The following SLC30A9 variants were observed in gnomAD, a reference collection of about 807,000 sequenced individuals.
The protein encoded by SLC30A9 is proton-coupled zinc antiporter SLC30A9, mitochondrial.
A neutral mutation model predicts 87.5 loss-of-function variants in SLC30A9; 58 were observed. That is an observed-to-expected ratio of 0.66 (90% CI 0.54 to 0.82). The LOEUF is 0.82. Ranked by LOEUF, SLC30A9 falls within the 40% of genes least tolerant of loss-of-function variation. The pLI is 0.00. For missense variants in SLC30A9, 557 were observed against 679.1 expected (o/e 0.82, Z 2.00); for synonymous variants, 234 against 233.0 (o/e 1.00, Z -0.04).
chr4:42,033,733 G>T (rs1479355771), intron 6 of SLC30A9, among the ~76,000 whole-genome samples: 1 of 152,074 alleles, frequency 6.6e-6, no homozygotes, highest in Non-Finnish European at 1.5e-5. Context: ...ATGCCACCAT[G>T]CCTGGCTAAT....
intron 2 of SLC30A9, among the ~76,000 whole-genome samples, chr4:42,006,374 C>T (rs959935819): frequency 5.3e-5 from 8 of 152,038 alleles, no homozygotes; most frequent in Non-Finnish European, 4.4e-5. Context: ...GAAATGATAC[C>T]TCCTTGGAGA....
intron 2 of SLC30A9, among the ~76,000 whole-genome samples, chr4:42,009,277 C>G (rs1715343964): frequency 6.6e-6 from 1 of 152,098 alleles, no homozygotes; most frequent in South Asian, 2.1e-4. Context: ...CCACATTAGA[C>G]CTTGTTAGCC....
At chr4:41,994,789 G>A (rs912394183) in intron 1 of SLC30A9, among the ~76,000 whole-genome samples, 4 of 144,746 alleles carry the variant, frequency 2.8e-5, no homozygotes, top group African/African-American at 1.0e-4. Context: ...TCAGGAGGCT[G>A]AGGCAGGAGA....
At chr4:42,047,103 G>T (rs192834325) in intron 8 of SLC30A9, among the ~76,000 whole-genome samples, 12 of 152,190 alleles carry the variant, frequency 7.9e-5, no homozygotes, top group Non-Finnish European at 1.2e-4. Flanking sequence ...AGACTTAAAC[G>T]TAAGACCTAA....
At position 41,990,769 on chromosome 4, in the gene SLC30A9, C is replaced by T. The variant is rs1431240514; in HGVS notation, c.109+9C>T. 2.4e-5 allele frequency: 38 copies of T among 1,596,100 alleles called. No homozygotes were observed. Among genetic ancestry groups the T allele is most frequent in the Non-Finnish European group, 3.2e-5 (37 of 1,168,322 alleles). ...TCCCAGCGACCGCCAGGGTGAGTGT[C>T]CCGCGCTGGCCGCTGGCTCCGTAGA... On this transcript the variant is annotated intron_variant, in intron 1 of 17. Coordinates refer to ENST00000264451, the MANE Select transcript of SLC30A9 (RefSeq NM_006345.4).
In SLC30A9 at chr4:42,075,685, C is replaced by G; in HGVS notation, c.1447C>G (p.Leu483Val). Residue 483 changes from leucine (L) to valine (V), a missense_variant, in exon 16 of 18, where the codon CTG (leucine) becomes GTG (valine). This residue lies in a region of SLC30A9 where 90 missense variants were observed against 149.4 expected (regional missense o/e 0.60). Transcript: ENST00000264451. ...AATTCATGATGTTAAAGCCACAGAT[C>G]TGGGATTAGGTAAAGTAAGATTTAA... ...RAIHDVKATD[L>V]GLGKVRFKAE... is the part of the protein sequence containing the mutation. 2 of 1,613,582 alleles carry G rather than the reference C, an allele frequency of 1.2e-6. No individual in the cohort carries two copies. The highest frequency in any genetic ancestry group is 1.7e-4 in the Middle Eastern group (1 of 6,058).
At chr4:41,996,587 A>T (rs989192603) in intron 1 of SLC30A9, among the ~76,000 whole-genome samples, 15 of 152,028 alleles carry the variant, frequency 9.9e-5, no homozygotes, top group East Asian at 3.9e-4. Context: ...AAAAAAAATT[A>T]AAAAATGTAG....
At chr4:42,050,899 T>C (rs12512912) in intron 9 of SLC30A9, among the ~76,000 whole-genome samples, 99,293 of 152,044 alleles carry the variant, frequency 0.65, 36,903 homozygotes, top group East Asian at 0.96. Flanking sequence ...GTGTTCAGGG[T>C]GTCTGAGGTG....
intron 8 of SLC30A9, among the ~76,000 whole-genome samples, chr4:42,041,613 G>A (rs368862825): frequency 1.6e-3 from 248 of 152,228 alleles, no homozygotes; most frequent in African/African-American, 5.3e-3. Flanking sequence ...GGTGATGTGC[G>A]CCTGTAGACC....
chr4:41,992,226 C>T (rs944709519), intron 1 of SLC30A9, among the ~76,000 whole-genome samples: 2 of 151,398 alleles, frequency 1.3e-5, no homozygotes, highest in Non-Finnish European at 2.9e-5. Flanking sequence ...TAATCCTAGC[C>T]TGTACTCAGG....
rs767957901 is a variant in SLC30A9 at position 41,990,659 on chromosome 4, C to G, written c.8C>G (p.Pro3Arg). 9.3e-6 allele frequency: 15 copies of G among 1,605,522 alleles called. No individual in the cohort carries two copies. The East Asian group carries it at 1.6e-4, about 17-fold the overall frequency. ML[P>R]GLAAAAAHRC... The stretch of plus-strand genomic sequence containing the variant: ...GGCCTCTGCCCCACCAGGATGTTAC[C>G]CGGCTTGGCCGCCGCCGCGGCCCAC... Residue 3 changes from proline (P) to arginine (R), a missense_variant, in exon 1 of 18, where the codon CCC becomes CGC. This residue lies in a region of SLC30A9 where 467 missense variants were observed against 529.8 expected (regional missense o/e 0.88). Coordinates refer to ENST00000264451, the MANE Select transcript of SLC30A9 (RefSeq NM_006345.4).
chr4:41,995,000 G>A (rs1176375245), intron 1 of SLC30A9, among the ~76,000 whole-genome samples: 1 of 152,108 alleles, frequency 6.6e-6, no homozygotes, highest in East Asian at 1.9e-4. Flanking sequence ...GCTCACACCT[G>A]TAATCCCAGC....
intron 17 of SLC30A9, among the ~76,000 whole-genome samples, chr4:42,082,864 A>G (rs1718792345): frequency 6.6e-6 from 1 of 151,872 alleles, no homozygotes; most frequent in African/African-American, 2.4e-5. Context: ...AAAAAAAAAA[A>G]TTCTAGAACT....
chr4:42,018,042 A>C (rs1560539607), intron 2 of SLC30A9, 69 bp from the exon 3 acceptor site: 1 of 842,294 alleles, frequency 1.2e-6, no homozygotes, highest in East Asian at 2.6e-5. Flanking sequence ...ACATTGGCTA[A>C]TATTAATTAA....
intron 9 of SLC30A9, among the ~76,000 whole-genome samples, chr4:42,058,112 A>C (rs1303212186): frequency 2.0e-5 from 3 of 151,980 alleles, no homozygotes; most frequent in Non-Finnish European, 2.9e-5. Context: ...AAAAAAAAAA[A>C]AAAAAAAAAC....
At chr4:42,064,877 A>G (rs6813467) in intron 11 of SLC30A9, among the ~76,000 whole-genome samples, 5,697 of 152,088 alleles carry the variant, frequency 0.037, 139 homozygotes, top group African/African-American at 0.042. Flanking sequence ...ATTAAAATAA[A>G]AAAAATGTGT....
Position 42,023,413 on chromosome 4 carries a change from A to G in SLC30A9, c.610+29A>G, listed in dbSNP as rs78765230. The G allele has an allele frequency of 2.0e-4, 286 of 1,400,074 alleles. 1 individual carries two copies. The African/African-American group carries it at 3.6e-3, about 18-fold the overall frequency. 86.7% of individuals were successfully genotyped at this position (1,400,074 alleles called of 1,614,324 possible). A position where few individuals can be genotyped will look rare whatever the true frequency, so the allele number is the denominator to read the frequency against. On this transcript the variant is annotated intron_variant, in intron 6 of 17. Transcript: ENST00000264451. Reference sequence around the variant, plus strand: ...AGTATATTCAATTTAAAGTCAAGTTAATTGAAAAATAACTTGTAGATGAGA... The same window carrying G: ...AGTATATTCAATTTAAAGTCAAGTTGATTGAAAAATAACTTGTAGATGAGA...
At chr4:42,056,557 C>T (rs775615407) in intron 9 of SLC30A9, among the ~76,000 whole-genome samples, 1 of 152,140 alleles carries the variant, frequency 6.6e-6, no homozygotes, top group Non-Finnish European at 1.5e-5. Flanking sequence ...AGGTCCCTCC[C>T]ACAACATGTG....
At chr4:42,060,292 T>A (rs1156371793) in intron 10 of SLC30A9, 46 bp downstream of exon 10, 2 of 1,384,670 alleles carry the variant, frequency 1.4e-6, no homozygotes, top group South Asian at 2.3e-5. Context: ...TGGCGATAAG[T>A]CATTGAAATA....
Sources: allele counts gnomAD v4.1 joint callset (sites outside exome capture counted in the v4.1 genomes callset), GRCh38; gene constraint gnomAD v4.1.1; regional missense constraint gnomAD v4.1.1; transcripts MANE v1.5; gene names NCBI Gene and HGNC (gene_info 2026-07-23, HGNC 2026-07-21).